SEMA5A: variants seen among roughly 807,000 people sequenced by gnomAD.
The protein encoded by SEMA5A is semaphorin-5A.
In SEMA5A, 55 loss-of-function variants were observed where a neutral mutation model predicts 135.5. The ratio of observed to expected loss-of-function variants is 0.41; its 90% CI spans 0.33 to 0.51. The LOEUF is 0.51. SEMA5A is among the 20% of genes least tolerant of loss of function. The pLI is 0.37. For synonymous variants in SEMA5A, 580 were observed against 546.5 expected (o/e 1.06, Z -0.85); for missense variants, 1,290 against 1,419.9 (o/e 0.91, Z 1.47).
At chr5:9,417,327 C>A (rs1453077410) in intron 2 of SEMA5A, among the ~76,000 whole-genome samples, 1 of 152,222 alleles carries the variant, frequency 6.6e-6, no homozygotes, top group African/African-American at 2.4e-5. Context: ...GGATTTTATA[C>A]ATAGAATATA....
chr5:9,456,693 G>A (rs982445013), intron 1 of SEMA5A, among the ~76,000 whole-genome samples: 2 of 152,114 alleles, frequency 1.3e-5, no homozygotes, highest in Non-Finnish European at 2.9e-5. Flanking sequence ...CAGAAGGCTG[G>A]AACCACAAAA....
At chr5:9,043,110 T>C in intron 22 of SEMA5A, 94 bp from the exon 23 acceptor site, 1 of 1,136,316 alleles carries the variant, frequency 8.8e-7, no homozygotes, top group South Asian at 1.4e-5. Context: ...GAATTTGAGC[T>C]CTCTGCTAAG....
chr5:9,221,250 G>A (rs111265126), intron 8 of SEMA5A, among the ~76,000 whole-genome samples: 2,135 of 151,784 alleles, frequency 0.014, 56 homozygotes, highest in African/African-American at 0.049. Flanking sequence ...AGCTTGTTGC[G>A]GTTTCTTTGT....
At chr5:9,315,569 C>G (rs1752354138) in intron 5 of SEMA5A, among the ~76,000 whole-genome samples, 1 of 152,068 alleles carries the variant, frequency 6.6e-6, no homozygotes. Context: ...TGGAAGAGCT[C>G]TTTATTATTT....
In SEMA5A at chr5:9,312,878, A is replaced by G. The variant is rs552407098; in HGVS notation, c.270+5494T>C. Among the ~76,000 whole-genome samples, 112 of 152,186 alleles carry G rather than the reference A, an allele frequency of 7.4e-4. 1 individual carries two copies. In the South Asian group the frequency reaches 0.011, roughly 15 times the overall value. Reference sequence around the variant, plus strand: ...TTTGGGAGCCACCCCACAAAAGCCTATTTTTCTCATCACTCAATTTCAGTA... The same window carrying G: ...TTTGGGAGCCACCCCACAAAAGCCTGTTTTTCTCATCACTCAATTTCAGTA... On this transcript the variant is annotated intron_variant, in intron 5 of 22. Coordinates refer to ENST00000382496, the MANE Select transcript of SEMA5A (RefSeq NM_003966.3).
At chr5:9,370,916 A>G (rs543090413) in intron 3 of SEMA5A, among the ~76,000 whole-genome samples, 1 of 152,384 alleles carries the variant, frequency 6.6e-6, no homozygotes, top group South Asian at 2.1e-4. Context: ...ATCTACCTTC[A>G]GTATGACAAA....
At chr5:9,439,380 A>G (rs1281554069) in intron 1 of SEMA5A, among the ~76,000 whole-genome samples, 1 of 152,200 alleles carries the variant, frequency 6.6e-6, no homozygotes, top group Non-Finnish European at 1.5e-5. Context: ...CCTAAAATCT[A>G]TTTTACAACA....
intron 3 of SEMA5A, among the ~76,000 whole-genome samples, chr5:9,352,542 A>G (rs2150753250): frequency 6.6e-6 from 1 of 152,280 alleles, no homozygotes; most frequent in African/African-American, 2.4e-5. Flanking sequence ...GAGCCACCAT[A>G]CCTGGCCCAA....
At chr5:9,543,825 G>T (rs1436061721) in intron 1 of SEMA5A, among the ~76,000 whole-genome samples, 8 of 100,592 alleles carry the variant, frequency 8.0e-5, no homozygotes, top group African/African-American at 1.3e-4. Context: ...ACTTAGGGCT[G>T]TATTTTTCAT....
chr5:9,380,125 G>T, intron 2 of SEMA5A, 102 bp from the exon 3 acceptor site: 1 of 722,960 alleles, frequency 1.4e-6, no homozygotes, highest in Non-Finnish European at 2.2e-6. Flanking sequence ...TACACTTTGT[G>T]GAGATAGAGG....
chr5:9,322,851 AAC>A (rs111535775), intron 4 of SEMA5A, among the ~76,000 whole-genome samples: 3,593 of 152,258 alleles, frequency 0.024, 130 homozygotes, highest in African/African-American at 0.081. Flanking sequence ...CACAGAAACA[AAC>A]ACAGTAACAG....
At chr5:9,070,386 CAA>C (rs370593354) in intron 16 of SEMA5A, among the ~76,000 whole-genome samples, 125 of 152,166 alleles carry the variant, frequency 8.2e-4, no homozygotes, top group African/African-American at 2.9e-3. Context: ...AACAAACAAA[CAA>C]AAATCATGTG....
chr5:9,056,126 C>G (rs1244692197), intron 18 of SEMA5A, among the ~76,000 whole-genome samples: 6 of 152,160 alleles, frequency 3.9e-5, no homozygotes, highest in Admixed American at 3.3e-4. Flanking sequence ...TAGATTGTGT[C>G]AGGGCCTGAT....
At chr5:9,452,452 T>C (rs1163481509) in intron 1 of SEMA5A, among the ~76,000 whole-genome samples, 1 of 152,184 alleles carries the variant, frequency 6.6e-6, no homozygotes, top group Non-Finnish European at 1.5e-5. Context: ...TGACACCTGA[T>C]AATACACACT....
At chr5:9,180,565 G>C (rs1744449892) in intron 11 of SEMA5A, among the ~76,000 whole-genome samples, 1 of 152,112 alleles carries the variant, frequency 6.6e-6, no homozygotes, top group Non-Finnish European at 1.5e-5. Flanking sequence ...CTGACACTTA[G>C]ATAGTTGCAA....
At chr5:9,228,642 G>A (rs1747453682) in intron 6 of SEMA5A, among the ~76,000 whole-genome samples, 1 of 152,234 alleles carries the variant, frequency 6.6e-6, no homozygotes, top group Non-Finnish European at 1.5e-5. Flanking sequence ...GGAAGCCAAG[G>A]AGGAAGTCAC....
chr5:9,534,358 A>G (rs892211076), intron 1 of SEMA5A, among the ~76,000 whole-genome samples: 2 of 152,262 alleles, frequency 1.3e-5, no homozygotes, highest in Non-Finnish European at 1.5e-5. Context: ...TGCAGAGAAC[A>G]TACACTTTTA....
chr5:9,195,454 G>T (rs1045893809), intron 10 of SEMA5A, among the ~76,000 whole-genome samples: 6 of 152,210 alleles, frequency 3.9e-5, no homozygotes, highest in Admixed American at 3.9e-4. Flanking sequence ...TTATAGGCAT[G>T]AGCCTCTGGG....
At position 9,157,439 on chromosome 5, in the gene SEMA5A, C is replaced by T. The variant is rs187512311; in HGVS notation, c.1274-2744G>A. Reference sequence around the variant, plus strand: ...CCATGTGGCCTACCAGCATGTCCCACCTCCTGTGACCTTGTCTAAGGGACA... The same window carrying T: ...CCATGTGGCCTACCAGCATGTCCCATCTCCTGTGACCTTGTCTAAGGGACA... On this transcript the variant is annotated intron_variant, in intron 11 of 22. Transcript: ENST00000382496. Among the ~76,000 whole-genome samples the T allele has an allele frequency of 3.1e-3, 467 of 152,352 alleles. 2 individuals are homozygous for T. The highest frequency in any genetic ancestry group is 4.9e-3 in the Non-Finnish European group (335 of 68,032).
Sources: gnomAD v4.1 joint callset for allele counts (sites outside exome capture counted in the v4.1 genomes callset) on GRCh38, gnomAD v4.1.1 for gene constraint, MANE v1.5 for transcripts, NCBI Gene and HGNC (gene_info 2026-07-23, HGNC 2026-07-21) for gene names.